The following SLC22A23 variants were observed in gnomAD, a reference collection of about 807,000 sequenced individuals.
SLC22A23 encodes the protein solute carrier family 22 member 23, also known as ion transporter protein.
In SLC22A23, 26 loss-of-function variants were observed where a neutral mutation model predicts 61.0. The observed-to-expected ratio is 0.43, with a 90% CI of 0.31 to 0.59. The LOEUF is 0.59. SLC22A23 is among the 20% of genes least tolerant of loss of function. The pLI is 0.11. For synonymous variants in SLC22A23, 430 were observed against 413.9 expected (o/e 1.04, Z -0.47); for missense variants, 796 against 934.7 (o/e 0.85, Z 1.94).
chr6:3,286,466 C>T lies in SLC22A23; in HGVS notation c.1546+393G>A, dbSNP rs1407688099. ...GAGAAGCTGATGAACTCGGGAACAT[C>T]TGCTGAAAAGCAGGGCCCTAATGCA... On this transcript the variant is annotated intron_variant, in intron 7 of 9. Coordinates refer to ENST00000406686, the MANE Select transcript of SLC22A23 (RefSeq NM_015482.2). The surrounding 1 kb of genome is among the most constrained non-coding windows in gnomAD (Gnocchi z 4.2). 6.6e-6 allele frequency among the ~76,000 whole-genome samples: 1 copy of T among 152,228 alleles called. No individual in the cohort carries two copies. Among genetic ancestry groups the T allele is most frequent in the African/African-American group, 2.4e-5 (1 of 41,468 alleles).
At position 3,454,793 on chromosome 6, in the gene SLC22A23, G is replaced by A. The variant is rs757285610; in HGVS notation, c.654+1113C>T. The stretch of plus-strand genomic sequence containing the variant: ...AAACAATGATTATGATGATGTAAGA[G>A]TTTATCTTACACATCCATGAGCTAC... On this transcript the variant is annotated intron_variant, in intron 1 of 9. Transcript: ENST00000406686. This position sits in a 1 kb window ranked among gnomAD's most constrained non-coding sequence, Gnocchi z 4.3. 4.1e-4 allele frequency among the ~76,000 whole-genome samples: 63 copies of A among 152,162 alleles called. No individual in the cohort carries two copies. The highest frequency in any genetic ancestry group is 5.4e-4 in the Non-Finnish European group (37 of 68,042).
intron 2 of SLC22A23, among the ~76,000 whole-genome samples, chr6:3,412,427 T>C (rs1440855696): frequency 2.0e-5 from 3 of 152,234 alleles, no homozygotes; most frequent in Admixed American, 6.5e-5. Flanking sequence ...TGCTTCATAA[T>C]GTTATCGACA....
Position 3,286,275 on chromosome 6 carries a change from G to C in SLC22A23, c.1546+584C>G, listed in dbSNP as rs946599916. Among the ~76,000 whole-genome samples the C allele has an allele frequency of 6.6e-6, 1 of 151,976 alleles. No homozygotes were observed. Among genetic ancestry groups the C allele is most frequent in the East Asian group, 1.9e-4 (1 of 5,180 alleles). On this transcript the variant is annotated intron_variant, in intron 7 of 9. Transcript: ENST00000406686. The surrounding 1 kb of genome is among the most constrained non-coding windows in gnomAD (Gnocchi z 4.2). ...CACCAAGCCCAGCTAATTATTTTTT[G>C]TATATTTAGTAGAGATGGGGTTTCA...
chr6:3,368,964 G>A (rs921080140), intron 3 of SLC22A23, among the ~76,000 whole-genome samples: 1 of 152,060 alleles, frequency 6.6e-6, no homozygotes, highest in Admixed American at 6.5e-5. Flanking sequence ...TGCTCAGAGT[G>A]ATGAGCTAAT....
chr6:3,275,868 C>T (rs1758849447), intron 9 of SLC22A23, among the ~76,000 whole-genome samples: 2 of 152,228 alleles, frequency 1.3e-5, no homozygotes, highest in South Asian at 2.1e-4. Flanking sequence ...AGGCGTGAGC[C>T]ACCACGCCAC....
rs115607883 is a variant in SLC22A23, at chr6:3,316,921, T to C, written c.1082+6913A>G. Reference sequence around the variant, plus strand: ...GCGCCACCATGCCCAGCTGCAAATTTTGTGTTATCAATGATCATGTGTACT... The same window carrying C: ...GCGCCACCATGCCCAGCTGCAAATTCTGTGTTATCAATGATCATGTGTACT... On this transcript the variant is annotated intron_variant, in intron 4 of 9. Coordinates refer to ENST00000406686, the MANE Select transcript of SLC22A23 (RefSeq NM_015482.2). Among the ~76,000 whole-genome samples the C allele has an allele frequency of 4.0e-3, 608 of 152,236 alleles. 3 individuals carry two copies. The highest frequency in any genetic ancestry group is 5.5e-3 in the Non-Finnish European group (376 of 68,016).
chr6:3,423,813 C>T (rs926953506), intron 1 of SLC22A23, among the ~76,000 whole-genome samples: 1 of 152,182 alleles, frequency 6.6e-6, no homozygotes, highest in Admixed American at 6.5e-5. Context: ...TCAACAGAGC[C>T]GGACTGTAGC....
chr6:3,294,330 C>G (rs1760885085), intron 5 of SLC22A23, among the ~76,000 whole-genome samples: 1 of 152,220 alleles, frequency 6.6e-6, no homozygotes, highest in African/African-American at 2.4e-5. Flanking sequence ...TCTACAAAAT[C>G]TGAAGCCTGA....
chr6:3,443,304 A>C (rs1298106119), intron 1 of SLC22A23, among the ~76,000 whole-genome samples: 1 of 152,124 alleles, frequency 6.6e-6, no homozygotes, highest in Non-Finnish European at 1.5e-5. Flanking sequence ...GACTAGAAGA[A>C]ATGTTTGGAA....
At chr6:3,412,840 G>A (rs1455148740) in intron 2 of SLC22A23, among the ~76,000 whole-genome samples, 6 of 152,156 alleles carry the variant, frequency 3.9e-5, no homozygotes, top group East Asian at 1.9e-4. Context: ...CTCTGAAGAC[G>A]GAGGATGGGG....
chr6:3,314,716 T>C (rs1293707925), intron 4 of SLC22A23, among the ~76,000 whole-genome samples: 1 of 152,192 alleles, frequency 6.6e-6, no homozygotes, highest in East Asian at 1.9e-4. Flanking sequence ...TTATAATAGC[T>C]TTCTTCTTGA....
chr6:3,283,778 A>G (rs765404999), intron 9 of SLC22A23, 74 bp downstream of exon 9: 10 of 1,598,728 alleles, frequency 6.3e-6, no homozygotes, highest in Non-Finnish European at 8.5e-6. Context: ...TTAATCCCAC[A>G]CCAGCCTGGA....
intron 4 of SLC22A23, among the ~76,000 whole-genome samples, chr6:3,310,131 G>A (rs780967373): frequency 3.9e-5 from 6 of 152,192 alleles, no homozygotes; most frequent in South Asian, 2.1e-4. Context: ...ACTGTATCAA[G>A]GCAGGAAAAT....
At chr6:3,284,017 G>A in intron 8 of SLC22A23, 42 bp from the exon 9 acceptor site, 1 of 1,572,034 alleles carries the variant, frequency 6.4e-7, no homozygotes, top group Non-Finnish European at 8.7e-7. Flanking sequence ...AAGAGAGGAA[G>A]CCAGGCCAGG....
In SLC22A23 at chr6:3,322,463, G is replaced by A. The variant is rs1763011692; in HGVS notation, c.1082+1371C>T. ...CCTGTTGGGGCACAAGGGCTGTCCT[G>A]GAACACGGTTGTGCTGCGGGAGGGG... On this transcript the variant is annotated intron_variant, in intron 4 of 9. Transcript: ENST00000406686. The surrounding 1 kb of genome is among the most constrained non-coding windows in gnomAD (Gnocchi z 4.1). 6.6e-6 allele frequency among the ~76,000 whole-genome samples: 1 copy of A among 152,224 alleles called. No individual in the cohort carries two copies. The highest frequency in any genetic ancestry group is 2.1e-4 in the South Asian group (1 of 4,838).
intron 3 of SLC22A23, among the ~76,000 whole-genome samples, chr6:3,350,095 G>C: frequency 6.6e-6 from 1 of 152,148 alleles, no homozygotes; most frequent in South Asian, 2.1e-4. Flanking sequence ...TAGTGACTCA[G>C]CATGCATGCA....
intron 3 of SLC22A23, among the ~76,000 whole-genome samples, chr6:3,389,351 C>G (rs187310238): frequency 1.3e-5 from 2 of 148,276 alleles, no homozygotes; most frequent in Non-Finnish European, 3.0e-5. Flanking sequence ...GATGCGAATA[C>G]GCTTAACATT....
rs1005724745 is a variant in SLC22A23 at position 3,317,248 on chromosome 6, C to A, written c.1082+6586G>T. 6.6e-6 allele frequency among the ~76,000 whole-genome samples: 1 copy of A among 152,232 alleles called. No individual in the cohort carries two copies. The highest frequency in any genetic ancestry group is 2.4e-5 in the African/African-American group (1 of 41,450). On this transcript the variant is annotated intron_variant, in intron 4 of 9. Coordinates refer to ENST00000406686, the MANE Select transcript of SLC22A23 (RefSeq NM_015482.2). This position sits in a 1 kb window ranked among gnomAD's most constrained non-coding sequence, Gnocchi z 4.4. ...TAACGTAGACCTGGACCTCCAAACA[C>A]AAGACCAGGCTGTGTCTTGCACAAG... is the stretch of plus-strand genomic sequence containing the variant.
chr6:3,338,410 ACCTCCG>A (rs1763974862), intron 3 of SLC22A23, among the ~76,000 whole-genome samples: 1 of 152,116 alleles, frequency 6.6e-6, no homozygotes, highest in Non-Finnish European at 1.5e-5. Context: ...GCTCACTGCA[ACCTCCG>A]CCTCCCGGGT....
Sources: allele counts gnomAD v4.1 joint callset (sites outside exome capture counted in the v4.1 genomes callset), GRCh38; gene constraint gnomAD v4.1.1; non-coding constraint Gnocchi (gnomAD v3.1); transcripts MANE v1.5; gene names NCBI Gene and HGNC (gene_info 2026-07-23, HGNC 2026-07-21).